Variants in PTPRN2 observed in about 807,000 individuals in gnomAD.
PTPRN2 encodes the protein protein tyrosine phosphatase receptor type N2, also known as receptor-type tyrosine-protein phosphatase N2.
A neutral mutation model predicts 118.8 loss-of-function variants in PTPRN2; 74 were observed. The ratio of observed to expected loss-of-function variants is 0.62; its 90% CI spans 0.52 to 0.76. The LOEUF (loss-of-function observed/expected upper bound fraction) is 0.76. Among genes scored for constraint, PTPRN2 ranks in the 30% least tolerant of loss-of-function variants. The pLI is 0.00. For missense variants in PTPRN2, 1,481 were observed against 1,394.4 expected, an observed-to-expected ratio of 1.06 and a Z score of -0.99; for synonymous variants, 641 against 608.0, an observed-to-expected ratio of 1.05 and a Z score of -0.80.
intron 12 of PTPRN2, among the ~76,000 whole-genome samples, chr7:157,752,476 C>T (rs554118866): frequency 6.6e-5 from 10 of 152,210 alleles, no homozygotes; most frequent in East Asian, 1.9e-4. Flanking sequence ...TCGAGCTGGG[C>T]GACTGGTGCG....
rs952721811 is a variant in PTPRN2, at chr7:157,622,882, C to T, written c.2197-1373G>A. Among the ~76,000 whole-genome samples, 3 of 152,180 alleles carry T rather than the reference C, an allele frequency of 2.0e-5. No individual in the cohort carries two copies. The highest frequency in any genetic ancestry group is 7.2e-5 in the African/African-American group (3 of 41,440). ...CGCACCGACTGCCTGCTCCACGCAG[C>T]GAACGCTTTTCCCCCACCACACCTT... On this transcript the variant is annotated intron_variant, in intron 14 of 22. Transcript: ENST00000389418. This position sits in a 1 kb window ranked among gnomAD's most constrained non-coding sequence, Gnocchi z 5.3.
intron 3 of PTPRN2, among the ~76,000 whole-genome samples, chr7:158,283,081 C>G (rs1799535804): frequency 6.6e-6 from 1 of 152,226 alleles, no homozygotes; most frequent in Non-Finnish European, 1.5e-5. Context: ...GAGGAAAACA[C>G]TCTTGAGAGA....
intron 14 of PTPRN2, among the ~76,000 whole-genome samples, chr7:157,623,735 G>A (rs1419252324): frequency 1.3e-5 from 2 of 152,268 alleles, no homozygotes; most frequent in Admixed American, 1.3e-4. Flanking sequence ...GTTTTTTCAC[G>A]GAGAATGAAG....
At chr7:158,581,569 C>T (rs776897538) in intron 1 of PTPRN2, among the ~76,000 whole-genome samples, 7 of 152,198 alleles carry the variant, frequency 4.6e-5, no homozygotes, top group Admixed American at 1.3e-4. Context: ...GCTCCAGAAT[C>T]GGTTTTGTAA....
chr7:157,925,771 G>A lies in PTPRN2; in HGVS notation c.1724-27034C>T, dbSNP rs564292414. On this transcript the variant is annotated intron_variant, in intron 11 of 22. Transcript: ENST00000389418. ...GGGTCAGGGTCAGTCCTAGAGACGC[G>A]TCACAGAGAAACGACGCTGAATCAC... Among the ~76,000 whole-genome samples, 3 of 147,456 alleles carry A rather than the reference G, an allele frequency of 2.0e-5. No individual in the cohort carries two copies. In the South Asian group the frequency reaches 6.2e-4, roughly 31 times the overall value.
At chr7:158,329,333 C>A (rs1309894975) in intron 2 of PTPRN2, among the ~76,000 whole-genome samples, 1 of 152,228 alleles carries the variant, frequency 6.6e-6, no homozygotes, top group Non-Finnish European at 1.5e-5. Context: ...CAGCACTTCC[C>A]AGCCTTTTAC....
At chr7:157,919,846 G>A (rs546719827) in intron 11 of PTPRN2, among the ~76,000 whole-genome samples, 2 of 152,266 alleles carry the variant, frequency 1.3e-5, no homozygotes, top group Admixed American at 6.5e-5. Context: ...AGAGTATGAC[G>A]GAGCTGACAA....
In PTPRN2 at chr7:158,015,070, C is replaced by A. The variant is rs543669867; in HGVS notation, c.1723+66228G>T. 8.5e-5 allele frequency among the ~76,000 whole-genome samples: 13 copies of A among 152,276 alleles called. No individual in the cohort carries two copies. The highest frequency in any genetic ancestry group is 4.1e-4 in the South Asian group (2 of 4,820). ...TCTCTTTTTCTTCCCTTGTATCTTG[C>A]AAATCCCTCAGATAAAAGTGGGTTG... On this transcript the variant is annotated intron_variant, in intron 11 of 22. Coordinates refer to ENST00000389418, the MANE Select transcript of PTPRN2 (RefSeq NM_002847.5). This position sits in a 1 kb window ranked among gnomAD's most constrained non-coding sequence, Gnocchi z 4.2.
intron 21 of PTPRN2, among the ~76,000 whole-genome samples, chr7:157,565,530 A>G (rs1158437537): frequency 6.6e-6 from 1 of 152,138 alleles, no homozygotes; most frequent in Non-Finnish European, 1.5e-5. Flanking sequence ...CCCTGGTGGG[A>G]ATGCCGTGGA....
intron 11 of PTPRN2, among the ~76,000 whole-genome samples, chr7:157,946,745 A>G (rs1049150512): frequency 6.6e-6 from 1 of 152,222 alleles, no homozygotes; most frequent in Non-Finnish European, 1.5e-5. Context: ...TGCAGTAAGG[A>G]TGTGGGTACA....
intron 11 of PTPRN2, among the ~76,000 whole-genome samples, chr7:157,926,102 C>CT (rs1435214243): frequency 6.6e-6 from 1 of 152,288 alleles, no homozygotes; most frequent in Non-Finnish European, 1.5e-5. Context: ...CTCCCTCTGT[C>CT]TATCTACCAC....
chr7:157,743,945 C>A (rs540257330), intron 12 of PTPRN2, among the ~76,000 whole-genome samples: 1 of 152,350 alleles, frequency 6.6e-6, no homozygotes, highest in Non-Finnish European at 1.5e-5. Flanking sequence ...GTCCTCTTTG[C>A]ACGTTGCATG....
In PTPRN2 at chr7:157,657,272, C is replaced by G. The variant is rs1319499184; in HGVS notation, c.2002-721G>C. 1.7e-3 allele frequency among the ~76,000 whole-genome samples: 83 copies of G among 50,068 alleles called. 10 individuals are homozygous for G. The highest frequency in any genetic ancestry group is 7.1e-3 in the African/African-American group (82 of 11,472). 32.8% of individuals were successfully genotyped at this position (50,068 alleles called of 152,430 possible). A position where few individuals can be genotyped will look rare whatever the true frequency, so the allele number is the denominator to read the frequency against. On this transcript the variant is annotated intron_variant, in intron 13 of 22. Transcript: ENST00000389418. ...ATCACACATATACACACACATACAC[C>G]ACACACACACCACACACATCACACA...
In PTPRN2 at chr7:158,414,299, A is replaced by G. The variant is rs111955376; in HGVS notation, c.163+75436T>C. 4.6e-3 allele frequency among the ~76,000 whole-genome samples: 696 copies of G among 152,292 alleles called. 4 individuals carry two copies. Among genetic ancestry groups the G allele is most frequent in the African/African-American group, 0.016 (670 of 41,560 alleles). On this transcript the variant is annotated intron_variant, in intron 2 of 22. Coordinates refer to ENST00000389418, the MANE Select transcript of PTPRN2 (RefSeq NM_002847.5). Reference sequence around the variant, plus strand: ...ATGAGGTTAAGACAAAGGGGCTGACAGGGAGCAGTCACCTGTGAGAATTTA... The same window carrying G: ...ATGAGGTTAAGACAAAGGGGCTGACGGGGAGCAGTCACCTGTGAGAATTTA...
chr7:157,962,605 C>T (rs1200949371), intron 11 of PTPRN2, among the ~76,000 whole-genome samples: 1 of 152,188 alleles, frequency 6.6e-6, no homozygotes, highest in Non-Finnish European at 1.5e-5. Flanking sequence ...TTGGTACCTA[C>T]ACACCCGGGG....
At chr7:157,748,515 T>TGATTCTGAGGC (rs1563067976) in intron 12 of PTPRN2, among the ~76,000 whole-genome samples, 1 of 60,758 alleles carries the variant, frequency 1.6e-5, no homozygotes, top group African/African-American at 6.9e-5. Flanking sequence ...GATTCTTAGG[T>TGATTCTGAGGC]CTGCGTCTCT....
At chr7:158,102,845 G>C (rs187647663) in intron 10 of PTPRN2, among the ~76,000 whole-genome samples, 167 of 152,306 alleles carry the variant, frequency 1.1e-3, no homozygotes, top group African/African-American at 3.7e-3. Context: ...GAGAAAGACA[G>C]CACACGGCTA....
chr7:158,443,746 G>A (rs1292153937), intron 2 of PTPRN2, among the ~76,000 whole-genome samples: 1 of 152,204 alleles, frequency 6.6e-6, no homozygotes, highest in Non-Finnish European at 1.5e-5. Context: ...AGCAGGGAGG[G>A]TTCCAAGGCC....
chr7:158,180,340 A>C (rs1054572648), intron 5 of PTPRN2, among the ~76,000 whole-genome samples: 3 of 151,964 alleles, frequency 2.0e-5, no homozygotes, highest in Non-Finnish European at 4.4e-5. Flanking sequence ...CTATGTGCCT[A>C]CTCTTCTACC....
Sources: gnomAD v4.1 joint callset for allele counts (sites outside exome capture counted in the v4.1 genomes callset) on GRCh38, gnomAD v4.1.1 for gene constraint, Gnocchi (gnomAD v3.1) non-coding constraint, MANE v1.5 for transcripts, NCBI Gene and HGNC (gene_info 2026-07-23, HGNC 2026-07-21) for gene names.